The following KAZN variants were observed in gnomAD, a reference collection of about 807,000 sequenced individuals.
KAZN encodes the protein kazrin, periplakin interacting protein.
KAZN carries 40 observed loss-of-function variants against 87.4 expected under a neutral mutation model. The observed-to-expected ratio is 0.46, with a 90% CI of 0.36 to 0.60. The LOEUF is 0.60. KAZN is among the 20% of genes least tolerant of loss of function. The pLI, the probability that KAZN is intolerant of heterozygous loss-of-function variation, is 0.00. For missense variants in KAZN, 898 were observed against 1,073.9 expected (o/e 0.84, Z 2.29); for synonymous variants, 466 against 458.3 (o/e 1.02, Z -0.22).
chr1:14,567,374 C>T (rs765511463), intron 2 of KAZN, among the ~76,000 whole-genome samples: 4 of 152,140 alleles, frequency 2.6e-5, no homozygotes, highest in Non-Finnish European at 5.9e-5. Context: ...TCAAAGATCA[C>T]TGATCATCAT....
At chr1:15,027,740 G>A (rs1185272547) in intron 2 of KAZN, among the ~76,000 whole-genome samples, 4 of 152,220 alleles carry the variant, frequency 2.6e-5, no homozygotes, top group Non-Finnish European at 5.9e-5. Context: ...TCACCTCTGA[G>A]CGCATGTTTG....
chr1:14,944,549 G>A (rs898424468), intron 1 of KAZN, among the ~76,000 whole-genome samples: 13 of 152,310 alleles, frequency 8.5e-5, no homozygotes, highest in Admixed American at 7.2e-4. Flanking sequence ...CCAGAGAGGC[G>A]GTCTCCAGTG....
chr1:14,001,004 G>A lies in KAZN; in HGVS notation c.91+107248G>A, dbSNP rs185076896. On this transcript the variant is annotated intron_variant, in intron 1 of 16. Coordinates refer to the KAZN transcript ENST00000636203. ...TCACCGTTTTAGCCGGGATGGTCTCGATCTCCTGACCTCGTGATCCGCCCG... is the reference window on the plus strand; with the variant it reads ...TCACCGTTTTAGCCGGGATGGTCTCAATCTCCTGACCTCGTGATCCGCCCG... Among the ~76,000 whole-genome samples, 1,181 of 151,688 alleles carry A rather than the reference G, an allele frequency of 7.8e-3. 76 individuals carry two copies. In the East Asian group the frequency reaches 0.13, roughly 17 times the overall value.
In KAZN at chr1:13,933,895, C is replaced by T. The variant is rs187230315; in HGVS notation, c.91+40139C>T. On this transcript the variant is annotated intron_variant, in intron 1 of 16. Coordinates refer to the KAZN transcript ENST00000636203. ...GGCTGTCTGCCTCTAAGGCTGATGTCCTTATTACTTTTTGGAAATGAATGA... is the reference window on the plus strand; with the variant it reads ...GGCTGTCTGCCTCTAAGGCTGATGTTCTTATTACTTTTTGGAAATGAATGA... Among the ~76,000 whole-genome samples the T allele has an allele frequency of 9.1e-3, 1,391 of 152,192 alleles. 18 individuals carry two copies. Among genetic ancestry groups the T allele is most frequent in the South Asian group, 0.018 (86 of 4,822 alleles).
chr1:15,050,211 AATAG>A (rs1266927984), intron 4 of KAZN, among the ~76,000 whole-genome samples: 32 of 151,558 alleles, frequency 2.1e-4, no homozygotes, highest in Non-Finnish European at 4.1e-4. Flanking sequence ...AATAGAATAG[AATAG>A]AATAGAACCT....
chr1:14,460,681 A>G (rs1287645482), intron 2 of KAZN, among the ~76,000 whole-genome samples: 2 of 152,166 alleles, frequency 1.3e-5, no homozygotes, highest in East Asian at 1.9e-4. Context: ...CAGAAGTCCC[A>G]TGGTTGACTG....
At chr1:14,891,454 C>G (rs188499390) in intron 1 of KAZN, among the ~76,000 whole-genome samples, 2 of 152,304 alleles carry the variant, frequency 1.3e-5, no homozygotes, top group Non-Finnish European at 2.9e-5. Flanking sequence ...ATAATAGTCT[C>G]CAATCCCATC....
At chr1:13,979,667 G>A (rs1638558321) in intron 1 of KAZN, among the ~76,000 whole-genome samples, 1 of 152,254 alleles carries the variant, frequency 6.6e-6, no homozygotes, top group East Asian at 1.9e-4. Context: ...GATGGCACAC[G>A]CCTGTAATCC....
At chr1:14,112,951 C>A (rs1644531903) in intron 1 of KAZN, among the ~76,000 whole-genome samples, 1 of 152,220 alleles carries the variant, frequency 6.6e-6, no homozygotes. Flanking sequence ...GGCAGTCTTG[C>A]CTGTCACTAA....
In KAZN at chr1:14,679,693, G is replaced by A. The variant is rs140669171; in HGVS notation, c.226+80470G>A. Among the ~76,000 whole-genome samples the A allele has an allele frequency of 2.6e-3, 403 of 152,252 alleles. 2 individuals are homozygous for A. Among genetic ancestry groups the A allele is most frequent in the African/African-American group, 9.1e-3 (377 of 41,530 alleles). On this transcript the variant is annotated intron_variant, in intron 1 of 14. Coordinates refer to ENST00000376030, the MANE Select transcript of KAZN (RefSeq NM_201628.3). The stretch of plus-strand genomic sequence containing the variant: ...TCCTCACATTTGCCCTGTGAGGTAG[G>A]TACTAGTGACAGCAGCATCCCCATT...
rs569569299 is a variant in KAZN, at chr1:14,927,764, ATCC to A, written c.227-32917_227-32915del. ...ACGTGGCCTTATTCTGCCTCTTCAC[ATCC>A]TCTACCTTTTTAAAATTCTGTATTA... On this transcript the variant is annotated intron_variant, in intron 1 of 14. Coordinates refer to ENST00000376030, the MANE Select transcript of KAZN (RefSeq NM_201628.3). 1.6e-3 allele frequency among the ~76,000 whole-genome samples: 244 copies of A among 152,232 alleles called. 3 individuals carry two copies. The highest frequency in any genetic ancestry group is 2.7e-3 in the Admixed American group (41 of 15,290).
intron 1 of KAZN, among the ~76,000 whole-genome samples, chr1:14,849,067 G>A (rs1312728520): frequency 6.6e-6 from 1 of 152,196 alleles, no homozygotes; most frequent in East Asian, 1.9e-4. Context: ...CCAGCGAACT[G>A]AGGCTAGGGT....
chr1:14,166,322 T>A (rs1645826491), intron 1 of KAZN, among the ~76,000 whole-genome samples: 1 of 152,034 alleles, frequency 6.6e-6, no homozygotes, highest in African/African-American at 2.4e-5. Context: ...CAAAAATAAA[T>A]AAATAAATAA....
At chr1:14,608,618 G>A (rs868280924) in intron 1 of KAZN, among the ~76,000 whole-genome samples, 1 of 152,206 alleles carries the variant, frequency 6.6e-6, no homozygotes, top group Non-Finnish European at 1.5e-5. Context: ...CCCAGAGAAA[G>A]AGCGCGTCTT....
intron 2 of KAZN, among the ~76,000 whole-genome samples, chr1:14,283,360 AAG>A (rs1652995542): frequency 6.6e-6 from 1 of 152,198 alleles, no homozygotes; most frequent in African/African-American, 2.4e-5. Flanking sequence ...GTTACTCCAA[AAG>A]AGGACATTGA....
intron 1 of KAZN, among the ~76,000 whole-genome samples, chr1:13,983,344 G>A (rs138172416): frequency 0.013 from 2,042 of 152,340 alleles, 43 homozygotes; most frequent in African/African-American, 0.045. Flanking sequence ...GAAATCCAGC[G>A]CAGTGCCGGT....
At chr1:14,942,311 C>A (rs148607806) in intron 1 of KAZN, among the ~76,000 whole-genome samples, 1 of 152,120 alleles carries the variant, frequency 6.6e-6, no homozygotes, top group African/African-American at 2.4e-5. Flanking sequence ...CGTCCCCAGA[C>A]GTTCCAGGGA....
intron 1 of KAZN, among the ~76,000 whole-genome samples, chr1:14,750,818 A>G (rs370596080): frequency 1.3e-5 from 2 of 152,176 alleles, no homozygotes; most frequent in African/African-American, 4.8e-5. Flanking sequence ...ACATGATTTC[A>G]GGGATCAGTT....
chr1:14,759,743 A>T (rs979571267), intron 1 of KAZN, among the ~76,000 whole-genome samples: 2 of 152,146 alleles, frequency 1.3e-5, no homozygotes, highest in African/African-American at 4.8e-5. Flanking sequence ...CCCAACTGCC[A>T]TTGGAGAACA....
Sources: allele counts gnomAD v4.1 joint callset (sites outside exome capture counted in the v4.1 genomes callset), GRCh38; gene constraint gnomAD v4.1.1; transcripts MANE v1.5; gene names NCBI Gene and HGNC (gene_info 2026-07-23, HGNC 2026-07-21).